ARHGAP39: variants seen among roughly 807,000 people sequenced by gnomAD.
ARHGAP39 encodes the protein Rho GTPase activating protein 39, also known as rho GTPase-activating protein 39.
ARHGAP39 carries 44 observed loss-of-function variants against 106.9 expected under a neutral mutation model. The ratio of observed to expected loss-of-function variants is 0.41; its 90% confidence interval spans 0.32 to 0.53. ARHGAP39 has a LOEUF of 0.53. Ranked by LOEUF, ARHGAP39 falls within the 20% of genes least tolerant of loss-of-function variation. ARHGAP39 has a pLI of 0.21. For missense variants in ARHGAP39, 1,496 were observed against 1,577.3 expected, an observed-to-expected ratio of 0.95 and a Z score of 0.87; for synonymous variants, 768 against 693.2, an observed-to-expected ratio of 1.11 and a Z score of -1.69.
intron 1 of ARHGAP39, among the ~76,000 whole-genome samples, chr8:144,656,410 T>C (rs532196374): frequency 6.6e-6 from 1 of 152,274 alleles, no homozygotes; most frequent in Admixed American, 6.5e-5. Context: ...CAAGATTATG[T>C]AACAATCCTA....
At chr8:144,615,777 G>A (rs1476810597) in intron 1 of ARHGAP39, among the ~76,000 whole-genome samples, 1 of 152,252 alleles carries the variant, frequency 6.6e-6, no homozygotes, top group Non-Finnish European at 1.5e-5. Context: ...GCTGTGAGCT[G>A]GAGACACAAG....
intron 1 of ARHGAP39, among the ~76,000 whole-genome samples, chr8:144,650,659 T>G (rs1390042664): frequency 6.6e-6 from 1 of 152,094 alleles, no homozygotes; most frequent in Non-Finnish European, 1.5e-5. Flanking sequence ...AAAAACCACA[T>G]GATTATCTCA....
At chr8:144,532,749 C>T (rs1479443642) in intron 9 of ARHGAP39, among the ~76,000 whole-genome samples, 1 of 152,182 alleles carries the variant, frequency 6.6e-6, no homozygotes, top group Non-Finnish European at 1.5e-5. Flanking sequence ...CTTGCCCTGA[C>T]AGGTGAGTCA....
intron 1 of ARHGAP39, among the ~76,000 whole-genome samples, chr8:144,649,633 G>A (rs942376571): frequency 3.3e-5 from 5 of 152,008 alleles, no homozygotes; most frequent in Non-Finnish European, 4.4e-5. Flanking sequence ...AGCTGGGTGT[G>A]GTGGCACACG....
intron 1 of ARHGAP39, chr8:144,683,390 C>T (rs1822480849): frequency 6.7e-6 from 1 of 149,176 alleles, no homozygotes; most frequent in South Asian, 2.2e-4. Context: ...CTCTGTCACC[C>T]AGGCTGGAGT....
chr8:144,589,382 T>C (rs1274097375), intron 2 of ARHGAP39, among the ~76,000 whole-genome samples: 2 of 152,198 alleles, frequency 1.3e-5, no homozygotes, highest in African/African-American at 2.4e-5. Context: ...CAGGGAGTCA[T>C]GGCCCAGAGG....
intron 6 of ARHGAP39, among the ~76,000 whole-genome samples, chr8:144,538,331 C>G (rs1479711055): frequency 1.3e-5 from 2 of 152,220 alleles, no homozygotes; most frequent in South Asian, 2.1e-4. Flanking sequence ...TGCCACTGGC[C>G]TCGATGACCT....
intron 1 of ARHGAP39, among the ~76,000 whole-genome samples, chr8:144,669,809 T>C (rs1296399647): frequency 3.9e-5 from 6 of 152,096 alleles, no homozygotes; most frequent in African/African-American, 7.2e-5. Context: ...CAAATAAAAA[T>C]CACTGAGATG....
chr8:144,667,956 A>C (rs1822005739), intron 1 of ARHGAP39, among the ~76,000 whole-genome samples: 1 of 152,170 alleles, frequency 6.6e-6, no homozygotes, highest in South Asian at 2.1e-4. Flanking sequence ...CTGACAAAGC[A>C]ATGTTCAAAC....
chr8:144,553,014 G>GTGGGGCTGGCA (rs1191110393), intron 4 of ARHGAP39, among the ~76,000 whole-genome samples: 1 of 152,180 alleles, frequency 6.6e-6, no homozygotes. Flanking sequence ...CTCAGCCCCT[G>GTGGGGCTGGCA]TGGGGCTGGC....
At chr8:144,656,734 G>T (rs1209472613) in intron 1 of ARHGAP39, among the ~76,000 whole-genome samples, 1 of 149,252 alleles carries the variant, frequency 6.7e-6, no homozygotes, top group Non-Finnish European at 1.5e-5. Flanking sequence ...CTTGAACCCA[G>T]GAGGCAGAGG....
At chr8:144,584,086 T>G (rs926999587) in intron 2 of ARHGAP39, 2 of 152,274 alleles carry the variant, frequency 1.3e-5, no homozygotes, top group Admixed American at 6.5e-5. Context: ...AAGTGGCATA[T>G]GTGTTTACAT....
intron 1 of ARHGAP39, among the ~76,000 whole-genome samples, chr8:144,616,450 C>T (rs1219280125): frequency 6.6e-6 from 1 of 152,248 alleles, no homozygotes; most frequent in South Asian, 2.1e-4. Context: ...TCAGGCACTA[C>T]AAGGGTCAGA....
At chr8:144,699,748 G>T in the ARHGAP39 span, among the ~76,000 whole-genome samples, 1 of 151,986 alleles carries the variant, frequency 6.6e-6, no homozygotes, top group Non-Finnish European at 1.5e-5. Context: ...CATGAGGTTT[G>T]GGTAGGAAAG....
chr8:144,598,230 G>C (rs1819698919), intron 2 of ARHGAP39, among the ~76,000 whole-genome samples: 1 of 152,342 alleles, frequency 6.6e-6, no homozygotes, highest in East Asian at 1.9e-4. Context: ...TGAGTGTAAA[G>C]GGGAAACTCG....
chr8:144,655,230 G>T (rs1009588690), intron 1 of ARHGAP39, among the ~76,000 whole-genome samples: 5 of 152,140 alleles, frequency 3.3e-5, no homozygotes, highest in Admixed American at 2.0e-4. Context: ...GGAGTGGGAA[G>T]TTGTGGTGCC....
At chr8:144,533,629 G>C (rs574525018) in intron 8 of ARHGAP39, among the ~76,000 whole-genome samples, 1 of 152,288 alleles carries the variant, frequency 6.6e-6, no homozygotes, top group South Asian at 2.1e-4. Flanking sequence ...CAGAGTCACC[G>C]TCTACAGCAC....
Position 144,547,706 on chromosome 8 carries a change from C to T in ARHGAP39, c.1380G>A (p.Gln460=). Residue 460 remains glutamine (Q), a synonymous_variant, in exon 5 of 12, where the codon CAG becomes CAA. Coordinates refer to ENST00000377307, the MANE Select transcript of ARHGAP39 (RefSeq NM_025251.3). The surrounding 1 kb of genome is among the most constrained non-coding windows in gnomAD (Gnocchi z 5.2). ...TMEGPELRHS[Q]PPTPLPQAQE... Reference sequence around the variant, plus strand: ...GGGCCTGTGGCAGCGGCGTGGGCGGCTGGCTGTGCCGCAGCTCAGGTCCCT... The same window carrying T: ...GGGCCTGTGGCAGCGGCGTGGGCGGTTGGCTGTGCCGCAGCTCAGGTCCCT... The T allele has an allele frequency of 6.3e-7, 1 of 1,588,750 alleles. No homozygotes were observed.
intron 2 of ARHGAP39, among the ~76,000 whole-genome samples, chr8:144,589,509 C>T (rs1213543591): frequency 1.3e-5 from 2 of 152,198 alleles, no homozygotes; most frequent in East Asian, 3.9e-4. Context: ...CTGAGGACAC[C>T]GACTTGGTGA....
Sources: allele counts gnomAD v4.1 joint callset (sites outside exome capture counted in the v4.1 genomes callset), GRCh38; gene constraint gnomAD v4.1.1; non-coding constraint Gnocchi (gnomAD v3.1); transcripts MANE v1.5; gene names NCBI Gene and HGNC (gene_info 2026-07-23, HGNC 2026-07-21).